EHBP1: variants seen among roughly 807,000 people sequenced by gnomAD.
The protein encoded by EHBP1 is EH domain binding protein 1.
Under a neutral mutation model 144.0 loss-of-function variants are expected in EHBP1, and 55 were observed. The ratio of observed to expected loss-of-function variants is 0.38; its 90% CI spans 0.31 to 0.48. EHBP1 has a LOEUF of 0.48. Ranked by LOEUF, EHBP1 falls within the 20% of genes least tolerant of loss-of-function variation. EHBP1 has a pLI of 0.98. For synonymous variants in EHBP1, 469 were observed against 472.7 expected (o/e 0.99, Z 0.10); for missense variants, 1,200 against 1,364.2 (o/e 0.88, Z 1.90).
At chr2:62,762,223 AC>A (rs2040825650) in intron 3 of EHBP1, among the ~76,000 whole-genome samples, 2 of 152,110 alleles carry the variant, frequency 1.3e-5, no homozygotes, top group Non-Finnish European at 2.9e-5. Context: ...TTACCACTAG[AC>A]TTTCAGGATG....
intron 1 of EHBP1, among the ~76,000 whole-genome samples, chr2:62,677,335 T>C (rs2033337313): frequency 6.6e-6 from 1 of 152,216 alleles, no homozygotes; most frequent in Non-Finnish European, 1.5e-5. Context: ...GCATGTTGGT[T>C]TTAAATTTTT....
At chr2:62,732,301 G>A (rs1259492992) in intron 2 of EHBP1, among the ~76,000 whole-genome samples, 1 of 152,078 alleles carries the variant, frequency 6.6e-6, no homozygotes, top group Non-Finnish European at 1.5e-5. Flanking sequence ...AGACACTGTT[G>A]CACTGTTGCT....
chr2:62,715,705 C>T (rs360797), intron 2 of EHBP1, among the ~76,000 whole-genome samples: 48,045 of 151,816 alleles, frequency 0.32, 7,677 homozygotes, highest in Middle Eastern at 0.43. Context: ...GAAGGAATGA[C>T]GATTTTCAAC....
intron 14 of EHBP1, among the ~76,000 whole-genome samples, chr2:62,965,597 C>T (rs1376287025): frequency 1.3e-5 from 2 of 152,178 alleles, no homozygotes; most frequent in Non-Finnish European, 2.9e-5. Context: ...TTGTCTTGGT[C>T]ACCTTTTCTG....
chr2:62,678,647 C>A (rs888067767), intron 1 of EHBP1, among the ~76,000 whole-genome samples: 3 of 151,946 alleles, frequency 2.0e-5, no homozygotes, highest in Admixed American at 6.5e-5. Context: ...AGGATCTGGT[C>A]TTTATTATTA....
chr2:62,974,470 C>A (rs1223860135), intron 14 of EHBP1, among the ~76,000 whole-genome samples: 1 of 152,132 alleles, frequency 6.6e-6, no homozygotes, highest in Non-Finnish European at 1.5e-5. Context: ...ACCATGACAA[C>A]TTTGCGTATA....
chr2:62,804,851 A>G lies in EHBP1; in HGVS notation c.313-21236A>G, dbSNP rs1181560306. On this transcript the variant is annotated intron_variant, in intron 5 of 22. Transcript: ENST00000431489. Reference sequence around the variant, plus strand: ...AGATTCTCATAGGAGTGTGAACCCTATTGTGAGCTGTGCATGCAAGGGATC... The same window carrying G: ...AGATTCTCATAGGAGTGTGAACCCTGTTGTGAGCTGTGCATGCAAGGGATC... 5.9e-5 allele frequency among the ~76,000 whole-genome samples: 9 copies of G among 152,272 alleles called. No individual in the cohort carries two copies. The South Asian group carries it at 1.7e-3, about 28-fold the overall frequency.
chr2:62,740,809 T>C (rs1221876279), intron 2 of EHBP1, among the ~76,000 whole-genome samples: 1 of 152,200 alleles, frequency 6.6e-6, no homozygotes, highest in African/African-American at 2.4e-5. Context: ...AGCTATCTTT[T>C]ATTTTTTTGA....
intron 14 of EHBP1, among the ~76,000 whole-genome samples, chr2:62,962,938 A>T (rs891884822): frequency 2.6e-5 from 4 of 152,214 alleles, no homozygotes; most frequent in African/African-American, 9.6e-5. Context: ...TGGCCCATCC[A>T]TTACACTCAA....
At chr2:62,768,260 G>T (rs1412685894) in intron 4 of EHBP1, among the ~76,000 whole-genome samples, 1 of 152,058 alleles carries the variant, frequency 6.6e-6, no homozygotes, top group Non-Finnish European at 1.5e-5. Flanking sequence ...AATTAAGATT[G>T]ATAAGCTGCT....
chr2:62,817,362 A>T (rs1339778584), intron 5 of EHBP1, among the ~76,000 whole-genome samples: 1 of 152,156 alleles, frequency 6.6e-6, no homozygotes, highest in Non-Finnish European at 1.5e-5. Flanking sequence ...TATGAGAAGA[A>T]CATTCCTAGT....
intron 19 of EHBP1, among the ~76,000 whole-genome samples, chr2:63,013,521 C>T (rs1045831584): frequency 1.3e-5 from 2 of 152,098 alleles, no homozygotes; most frequent in African/African-American, 4.8e-5. Flanking sequence ...CTTGAAACCC[C>T]CCCAAAAGAC....
intron 10 of EHBP1, among the ~76,000 whole-genome samples, chr2:62,932,204 C>CAGAGA (rs1489150653): frequency 2.0e-5 from 3 of 150,876 alleles, no homozygotes; most frequent in South Asian, 4.2e-4. Context: ...CATATTCCCA[C>CAGAGA]AGAGAAGAGA....
intron 10 of EHBP1, among the ~76,000 whole-genome samples, chr2:62,909,430 G>A (rs946606068): frequency 2.6e-5 from 4 of 152,280 alleles, no homozygotes; most frequent in South Asian, 2.1e-4. Flanking sequence ...TGATCCACCC[G>A]CCTTGGCCTT....
intron 14 of EHBP1, among the ~76,000 whole-genome samples, chr2:62,975,927 CACACACACAT>C (rs1248084219): frequency 6.7e-6 from 1 of 149,666 alleles, no homozygotes; most frequent in Non-Finnish European, 1.5e-5. Context: ...CACACACACA[CACACACACAT>C]ATATAGTAGA....
At chr2:62,694,984 A>T (rs1434211118) in intron 1 of EHBP1, among the ~76,000 whole-genome samples, 1 of 152,236 alleles carries the variant, frequency 6.6e-6, no homozygotes, top group African/African-American at 2.4e-5. Flanking sequence ...GGAGCTAAAC[A>T]TGAGCCAGAA....
intron 10 of EHBP1, among the ~76,000 whole-genome samples, chr2:62,942,435 C>T (rs2056812826): frequency 6.6e-6 from 1 of 152,206 alleles, no homozygotes; most frequent in African/African-American, 2.4e-5. Flanking sequence ...TATTTCAAAA[C>T]TTTAACGTGA....
At chr2:62,940,458 A>G (rs2056681736) in intron 10 of EHBP1, among the ~76,000 whole-genome samples, 1 of 152,178 alleles carries the variant, frequency 6.6e-6, no homozygotes, top group Admixed American at 6.5e-5. Flanking sequence ...TACCGTTATA[A>G]TCTGCACTTT....
At chr2:62,993,733 G>GA in intron 17 of EHBP1, 65 bp downstream of exon 17, 1 of 739,800 alleles carries the variant, frequency 1.4e-6, no homozygotes, top group Non-Finnish European at 1.9e-6. Context: ...TCTATATATA[G>GA]TATATATATA....
Sources: gnomAD v4.1 joint callset for allele counts (sites outside exome capture counted in the v4.1 genomes callset) on GRCh38, gnomAD v4.1.1 for gene constraint, MANE v1.5 for transcripts, NCBI Gene and HGNC (gene_info 2026-07-23, HGNC 2026-07-21) for gene names.